UNC79: variants seen among roughly 807,000 people sequenced by gnomAD.
The protein encoded by UNC79 is unc-79 subunit of NALCN channel complex.
A neutral mutation model predicts 283.1 loss-of-function variants in UNC79; 37 were observed. The observed-to-expected ratio is 0.13, with a 90% CI of 0.10 to 0.17. The LOEUF (loss-of-function observed/expected upper bound fraction) is 0.17. Among genes scored for constraint, UNC79 ranks in the 10% least tolerant of loss-of-function variants. The pLI is 1.00. For synonymous variants in UNC79, 1,107 were observed against 1,200.2 expected, an observed-to-expected ratio of 0.92 and a Z score of 1.61; for missense variants, 2,272 against 3,211.1, an observed-to-expected ratio of 0.71 and a Z score of 7.07.
chr14:93,467,818 G>C, intron 2 of UNC79, 27 bp downstream of exon 2: 1 of 1,478,294 alleles, frequency 6.8e-7, no homozygotes, highest in East Asian at 2.6e-5. Context: ...CCTCTACTTT[G>C]AGAGAATTAT....
intron 46 of UNC79, 53 bp downstream of exon 49, chr14:93,691,999 C>T: frequency 6.3e-7 from 1 of 1,587,114 alleles, no homozygotes; most frequent in Non-Finnish European, 8.6e-7. Flanking sequence ...AGTGTCCACA[C>T]CACTCCTAAT....
At chr14:93,361,211 CAAAAAAAAAA>C (rs58267219) in intron 1 of UNC79, among the ~76,000 whole-genome samples, 633 of 54,438 alleles carry the variant, frequency 0.012, 5 homozygotes, top group Non-Finnish European at 0.015. Flanking sequence ...GACTCTGTCT[CAAAAAAAAAA>C]AAAAAAAAAA....
Position 93,652,059 on chromosome 14 carries a change from G to A in UNC79, c.6084-1683G>A, listed in dbSNP as rs942475782. ...TTACAGGCGTGAGCCACCGCACCCC[G>A]CCTTTTGTTTCTTTTTATTGCCTTA... is the stretch of plus-strand genomic sequence containing the variant. On this transcript the variant is annotated intron_variant, in intron 35 of 48. Transcript: ENST00000555664. Among the ~76,000 whole-genome samples the A allele has an allele frequency of 5.3e-5, 8 of 151,436 alleles. No homozygotes were observed. The South Asian group carries it at 6.3e-4, about 12-fold the overall frequency.
In UNC79 at chr14:93,621,330, C is replaced by CA. The variant is rs1037344708; in HGVS notation, c.4388-285dup. Among the ~76,000 whole-genome samples the CA allele has an allele frequency of 3.5e-4, 53 of 152,228 alleles. No homozygotes were observed. Among genetic ancestry groups the CA allele is most frequent in the African/African-American group, 1.3e-3 (52 of 41,538 alleles). On this transcript the variant is annotated intron_variant, in intron 29 of 48. Coordinates refer to ENST00000555664, the Ensembl canonical transcript of UNC79. This position sits in a 1 kb window ranked among gnomAD's most constrained non-coding sequence, Gnocchi z 4.8. ...TACAGTTTCCTAGATCTGCCTCAGC[C>CA]AAAAAATGATCCCCTCTCCTATGCA...
At chr14:93,679,648 TTGAA>T (rs1203541847) in intron 41 of UNC79, among the ~76,000 whole-genome samples, 1 of 152,184 alleles carries the variant, frequency 6.6e-6, no homozygotes, top group Non-Finnish European at 1.5e-5. Context: ...AGAGTTATCA[TTGAA>T]TGGGGTTATT....
intron 7 of UNC79, among the ~76,000 whole-genome samples, chr14:93,500,414 C>T (rs549490464): frequency 1.3e-5 from 2 of 152,260 alleles, no homozygotes; most frequent in South Asian, 2.1e-4. Flanking sequence ...TCTCTTGAAA[C>T]TCCCATTCTA....
intron 42 of UNC79, 95 bp from the exon 46 acceptor site, chr14:93,686,477 C>G (rs1372038693): frequency 1.5e-5 from 20 of 1,319,126 alleles, no homozygotes; most frequent in Non-Finnish European, 2.0e-5. Flanking sequence ...GAAAGTAAAA[C>G]GACTCCTTAG....
chr14:93,368,396 G>T (rs1047429708), intron 1 of UNC79, among the ~76,000 whole-genome samples: 6 of 152,142 alleles, frequency 3.9e-5, no homozygotes, highest in Non-Finnish European at 8.8e-5. Context: ...AAAGATGATG[G>T]GGAGTGGGGA....
intron 11 of UNC79, among the ~76,000 whole-genome samples, chr14:93,537,668 T>C (rs1379596984): frequency 6.6e-6 from 1 of 152,230 alleles, no homozygotes; most frequent in African/African-American, 2.4e-5. Context: ...ACTCTTGGAA[T>C]GTTAACTTGA....
intron 1 of UNC79, among the ~76,000 whole-genome samples, chr14:93,410,524 G>A (rs762051160): frequency 6.6e-6 from 1 of 152,180 alleles, no homozygotes; most frequent in Non-Finnish European, 1.5e-5. Flanking sequence ...ACCCCAGCCT[G>A]CACAGCTCAT....
chr14:93,608,992 A>G (rs1314731741), intron 26 of UNC79, among the ~76,000 whole-genome samples: 1 of 152,228 alleles, frequency 6.6e-6, no homozygotes, highest in South Asian at 2.1e-4. Flanking sequence ...AAATGAATAC[A>G]CAAAATGTTC....
chr14:93,687,513 A>G (rs1035231611), intron 43 of UNC79, among the ~76,000 whole-genome samples: 3 of 152,148 alleles, frequency 2.0e-5, no homozygotes, highest in Admixed American at 6.5e-5. Context: ...TTCCTTTTTG[A>G]TAATTAGGAG....
chr14:93,699,039 A>G (rs1168994233), intron 47 of UNC79, among the ~76,000 whole-genome samples: 1 of 152,092 alleles, frequency 6.6e-6, no homozygotes, highest in East Asian at 1.9e-4. Context: ...ATATTTTTTC[A>G]TCTTTTTACT....
intron 2 of UNC79, among the ~76,000 whole-genome samples, chr14:93,471,547 C>T (rs2057508514): frequency 6.7e-6 from 1 of 150,328 alleles, no homozygotes; most frequent in Non-Finnish European, 1.5e-5. Flanking sequence ...TTTATCAGCT[C>T]CCAAGTTAGG....
intron 1 of UNC79, among the ~76,000 whole-genome samples, chr14:93,438,237 G>A (rs959459535): frequency 1.3e-5 from 2 of 152,022 alleles, no homozygotes; most frequent in African/African-American, 4.8e-5. Flanking sequence ...TTTTAAATGT[G>A]AGTTTCACTA....
chr14:93,637,622 T>C (rs750584655), intron 32 of UNC79, among the ~76,000 whole-genome samples: 3 of 152,108 alleles, frequency 2.0e-5, no homozygotes, highest in Non-Finnish European at 4.4e-5. Context: ...CACACCCAGA[T>C]AATTTTTGTA....
At chr14:93,652,286 A>G (rs1177466450) in intron 35 of UNC79, among the ~76,000 whole-genome samples, 1 of 151,808 alleles carries the variant, frequency 6.6e-6, no homozygotes, top group Non-Finnish European at 1.5e-5. Flanking sequence ...TTGTTGAGGC[A>G]GGGTCTTGCT....
chr14:93,433,505 A>C (rs2055959996), intron 1 of UNC79, among the ~76,000 whole-genome samples: 1 of 152,182 alleles, frequency 6.6e-6, no homozygotes, highest in Admixed American at 6.5e-5. Flanking sequence ...ACTTGGTAGA[A>C]GTTTAGCTAC....
At chr14:93,490,883 T>C (rs1253737461) in intron 5 of UNC79, among the ~76,000 whole-genome samples, 2 of 152,236 alleles carry the variant, frequency 1.3e-5, no homozygotes, top group Non-Finnish European at 2.9e-5. Flanking sequence ...TCCACATTTT[T>C]AGCTGTTTGT....
Sources: gnomAD v4.1 joint callset for allele counts (sites outside exome capture counted in the v4.1 genomes callset) on GRCh38, gnomAD v4.1.1 for gene constraint, Gnocchi (gnomAD v3.1) non-coding constraint, MANE v1.5 for transcripts, NCBI Gene and HGNC (gene_info 2026-07-23, HGNC 2026-07-21) for gene names.